PREX2: variants seen among roughly 807,000 people sequenced by gnomAD.
PREX2 encodes the protein phosphatidylinositol-3,4,5-trisphosphate dependent Rac exchange factor 2.
In PREX2, 107 loss-of-function variants were observed where a neutral mutation model predicts 203.2. The ratio of observed to expected loss-of-function variants is 0.53; its 90% CI spans 0.45 to 0.62. The LOEUF is 0.62. Among genes scored for constraint, PREX2 ranks in the 20% least tolerant of loss-of-function variants. PREX2 has a pLI of 0.00. For synonymous variants in PREX2, 672 were observed against 663.6 expected (o/e 1.01, Z -0.19); for missense variants, 1,777 against 1,955.9 (o/e 0.91, Z 1.72).
At chr8:68,075,633 C>T (rs1184647642) in intron 14 of PREX2, among the ~76,000 whole-genome samples, 1 of 152,146 alleles carries the variant, frequency 6.6e-6, no homozygotes, top group African/African-American at 2.4e-5. Context: ...TTTGCATTAC[C>T]TCAGAGCAGG....
At position 68,126,635 on chromosome 8, in the gene PREX2, T is replaced by G. The variant is rs148801254; in HGVS notation, c.3725-743T>G. Among the ~76,000 whole-genome samples the G allele has an allele frequency of 6.4e-4, 97 of 152,234 alleles. 2 individuals are homozygous for G. The East Asian group carries it at 0.018, about 28-fold the overall frequency. Reference sequence around the variant, plus strand: ...GAATCTGTCTAGAATAGGATATAACTTAATCTTTTTTTTCCCATAATCTTG... The same window carrying G: ...GAATCTGTCTAGAATAGGATATAACGTAATCTTTTTTTTCCCATAATCTTG... On this transcript the variant is annotated intron_variant, in intron 30 of 39. Coordinates refer to ENST00000288368, the MANE Select transcript of PREX2 (RefSeq NM_024870.4).
At chr8:68,077,609 G>C in intron 15 of PREX2, 140 bp downstream of exon 15, 1 of 689,388 alleles carries the variant, frequency 1.5e-6, no homozygotes, top group South Asian at 1.6e-5. Context: ...GGTTCAGGTT[G>C]GGTCACCACA....
In PREX2 at chr8:68,188,096, A is replaced by T. The variant is rs141752592; in HGVS notation, c.4347-3626A>T. Among the ~76,000 whole-genome samples the T allele has an allele frequency of 2.5e-4, 38 of 152,294 alleles. No individual in the cohort carries two copies. In the East Asian group the frequency reaches 6.4e-3, roughly 26 times the overall value. On this transcript the variant is annotated intron_variant, in intron 35 of 39. Transcript: ENST00000288368. Reference sequence around the variant, plus strand: ...GCTTTTGTGATGCTTGGTGTTTAAGATGGGAAGAGGAAGTTGTTTTAGGCA... The same window carrying T: ...GCTTTTGTGATGCTTGGTGTTTAAGTTGGGAAGAGGAAGTTGTTTTAGGCA...
intron 37 of PREX2, among the ~76,000 whole-genome samples, chr8:68,204,705 G>A (rs1252786729): frequency 1.3e-5 from 1 of 75,404 alleles, no homozygotes; most frequent in Admixed American, 1.9e-4. Flanking sequence ...TTTTTTTTGA[G>A]ACACAGTCTA....
At chr8:68,048,794 A>C (rs1808438463) in intron 8 of PREX2, among the ~76,000 whole-genome samples, 1 of 152,064 alleles carries the variant, frequency 6.6e-6, no homozygotes, top group Admixed American at 6.6e-5. Context: ...ACTTAAATCA[A>C]GTACCTGTAT....
chr8:68,164,054 C>T (rs1182847137), intron 35 of PREX2, among the ~76,000 whole-genome samples: 1 of 152,050 alleles, frequency 6.6e-6, no homozygotes, highest in African/African-American at 2.4e-5. Flanking sequence ...CCATGACTCT[C>T]TAGACTTTAC....
In PREX2 at chr8:67,955,113, CA is replaced by C. The variant is rs1488084014; in HGVS notation, c.141+2579del. 3.0e-5 allele frequency among the ~76,000 whole-genome samples: 4 copies of C among 134,640 alleles called. No homozygotes were observed. The East Asian group carries it at 8.8e-4, about 30-fold the overall frequency. 88.3% of individuals were successfully genotyped at this position (134,640 alleles called of 152,430 possible). ...GAGCCGAGATAATGCCACTGCACTC[CA>C]GCCTGCCTGGATGACAGAGCGAGAC... On this transcript the variant is annotated intron_variant, in intron 1 of 39. Transcript: ENST00000288368.
At chr8:68,128,583 C>T (rs1283848123) in intron 31 of PREX2, among the ~76,000 whole-genome samples, 1 of 152,080 alleles carries the variant, frequency 6.6e-6, no homozygotes, top group African/African-American at 2.4e-5. Flanking sequence ...TGGCTGTTAG[C>T]TGAGGTAACA....
intron 23 of PREX2, chr8:68,103,064 T>C: frequency 2.2e-6 from 1 of 447,382 alleles, no homozygotes; most frequent in South Asian, 1.6e-5. Flanking sequence ...TTGGGAGTAC[T>C]TCCTAGATAG....
At chr8:68,135,704 C>T (rs1247368048) in intron 32 of PREX2, among the ~76,000 whole-genome samples, 1 of 151,948 alleles carries the variant, frequency 6.6e-6, no homozygotes, top group African/African-American at 2.4e-5. Context: ...TTCCATATTA[C>T]CTAGAAATAG....
chr8:68,088,961 G>T (rs560743815), intron 19 of PREX2, among the ~76,000 whole-genome samples: 1 of 152,252 alleles, frequency 6.6e-6, no homozygotes, highest in South Asian at 2.1e-4. Context: ...TGTGCTTTTT[G>T]CTTCTGAAGA....
chr8:68,145,182 A>G (rs1369845007), intron 33 of PREX2, among the ~76,000 whole-genome samples: 1 of 152,192 alleles, frequency 6.6e-6, no homozygotes, highest in Admixed American at 6.5e-5. Flanking sequence ...TTTGGGTGAG[A>G]AATCTGTTCA....
At chr8:68,044,396 C>A in intron 7 of PREX2, 91 bp from the exon 8 acceptor site, 4 of 871,508 alleles carry the variant, frequency 4.6e-6, no homozygotes, top group South Asian at 1.7e-5. Context: ...GAATTGGTGT[C>A]TTTTTTCAAA....
In PREX2 at chr8:68,109,607, G is replaced by A; in HGVS notation, c.3130G>A (p.Val1044Ile). 1 of 1,613,812 alleles carries A rather than the reference G, an allele frequency of 6.2e-7. No individual in the cohort carries two copies. Among genetic ancestry groups the A allele is most frequent in the South Asian group, 1.1e-5 (1 of 91,052 alleles). Residue 1044 changes from valine to isoleucine, a missense_variant, in exon 25 of 40, where the codon GTT (valine) becomes ATT (isoleucine). Coordinates refer to ENST00000288368, the MANE Select transcript of PREX2 (RefSeq NM_024870.4). ...TGCACTGAAAGAGGTGGAGATGTGTGTTTGTCAAATAGATGAGTAAGTGTT... is the reference window on the plus strand; with the variant it reads ...TGCACTGAAAGAGGTGGAGATGTGTATTTGTCAAATAGATGAGTAAGTGTT... ...QTALKEVEMC[V>I]CQIDDLLSSI...
chr8:68,224,921 A>G (rs1813028774), intron 39 of PREX2, among the ~76,000 whole-genome samples: 1 of 152,156 alleles, frequency 6.6e-6, no homozygotes, highest in Non-Finnish European at 1.5e-5. Flanking sequence ...TCCCATTTTC[A>G]TTTATACTTC....
At chr8:68,115,197 T>C (rs1810627733) in intron 25 of PREX2, among the ~76,000 whole-genome samples, 2 of 152,040 alleles carry the variant, frequency 1.3e-5, no homozygotes, top group Admixed American at 1.3e-4. Context: ...CCGGCTAATT[T>C]TGTATTTTTT....
intron 7 of PREX2, among the ~76,000 whole-genome samples, chr8:68,039,669 T>C (rs1222900250): frequency 2.6e-5 from 4 of 152,156 alleles, no homozygotes; most frequent in African/African-American, 9.7e-5. Context: ...AAGTCACTCC[T>C]CTCCCAGCTT....
chr8:68,030,679 A>T, intron 6 of PREX2, 21 bp downstream of exon 6: 4 of 1,612,222 alleles, frequency 2.5e-6, no homozygotes, highest in Non-Finnish European at 3.4e-6. Context: ...TTTGCTTGAC[A>T]ATCGAGCTTA....
At chr8:68,047,982 G>T (rs1179340444) in intron 8 of PREX2, among the ~76,000 whole-genome samples, 1 of 151,776 alleles carries the variant, frequency 6.6e-6, no homozygotes, top group Non-Finnish European at 1.5e-5. Context: ...TTATATCTTA[G>T]TATAGAAAGA....
Sources: gnomAD v4.1 joint callset for allele counts (sites outside exome capture counted in the v4.1 genomes callset) on GRCh38, gnomAD v4.1.1 for gene constraint, MANE v1.5 for transcripts, NCBI Gene and HGNC (gene_info 2026-07-23, HGNC 2026-07-21) for gene names.